Variants in KIF13B observed in about 807,000 individuals in gnomAD.
KIF13B encodes kinesin-like protein KIF13B.
KIF13B carries 127 observed loss-of-function variants against 222.0 expected under a neutral mutation model. The ratio of observed to expected loss-of-function variants is 0.57; its 90% confidence interval spans 0.50 to 0.66. The LOEUF is 0.66. KIF13B is among the 30% of genes least tolerant of loss of function. KIF13B has a pLI of 0.00. For missense variants in KIF13B, 2,173 were observed against 2,379.0 expected, an observed-to-expected ratio of 0.91 and a Z score of 1.80; for synonymous variants, 976 against 919.0, an observed-to-expected ratio of 1.06 and a Z score of -1.12.
At chr8:29,219,133 A>C (rs931817553) in intron 2 of KIF13B, 12 of 152,362 alleles carry the variant, frequency 7.9e-5, no homozygotes, top group African/African-American at 2.4e-4. Context: ...CAGGATCCCA[A>C]CGCACCAGAG....
intron 7 of KIF13B, among the ~76,000 whole-genome samples, chr8:29,181,030 C>T (rs765473751): frequency 3.9e-5 from 6 of 152,158 alleles, no homozygotes; most frequent in Non-Finnish European, 5.9e-5. Flanking sequence ...CACATATGGC[C>T]GAGCTAAGAG....
chr8:29,087,808 T>TA (rs1256971437), intron 37 of KIF13B, among the ~76,000 whole-genome samples: 1 of 151,900 alleles, frequency 6.6e-6, no homozygotes, highest in Non-Finnish European at 1.5e-5. Flanking sequence ...CTAGAGCTGT[T>TA]AAGATGGGGG....
rs988037207 is a variant in KIF13B, at chr8:29,071,349, G to C, written c.5218+271C>G. Among the ~76,000 whole-genome samples the C allele has an allele frequency of 6.6e-6, 1 of 152,124 alleles. No homozygotes were observed. The highest frequency in any genetic ancestry group is 1.5e-5 in the Non-Finnish European group (1 of 68,008). On this transcript the variant is annotated intron_variant, in intron 39 of 39. Transcript: ENST00000524189. This position sits in a 1 kb window ranked among gnomAD's most constrained non-coding sequence, Gnocchi z 4.9. The stretch of plus-strand genomic sequence containing the variant: ...GGGAGTGCAGAGGGCAGGGGAGACC[G>C]GAACAAAAGCGGGAACAGCCATGGC...
chr8:29,166,182 CTGGA>C (rs1207456830), intron 11 of KIF13B, among the ~76,000 whole-genome samples: 1 of 152,122 alleles, frequency 6.6e-6, no homozygotes, highest in Non-Finnish European at 1.5e-5. Flanking sequence ...ATGTTGCAGA[CTGGA>C]TGGTGTTATT....
intron 37 of KIF13B, among the ~76,000 whole-genome samples, chr8:29,089,394 G>A (rs550825600): frequency 1.3e-5 from 2 of 152,202 alleles, no homozygotes; most frequent in South Asian, 2.1e-4. Context: ...AGCTATCATC[G>A]CACCACTGCA....
intron 3 of KIF13B, among the ~76,000 whole-genome samples, chr8:29,195,272 C>T (rs978793824): frequency 6.6e-6 from 1 of 151,846 alleles, no homozygotes; most frequent in Non-Finnish European, 1.5e-5. Context: ...AATAAGAAAA[C>T]GAAAATAATC....
chr8:29,252,198 G>A (rs1816311805), intron 1 of KIF13B, among the ~76,000 whole-genome samples: 1 of 152,128 alleles, frequency 6.6e-6, no homozygotes, highest in Non-Finnish European at 1.5e-5. Context: ...ATCAACAGCT[G>A]ACAACTCAGT....
chr8:29,228,762 C>A (rs888453158), intron 2 of KIF13B, among the ~76,000 whole-genome samples: 1 of 151,900 alleles, frequency 6.6e-6, no homozygotes, highest in Non-Finnish European at 1.5e-5. Context: ...TGCAGCAGAA[C>A]CCAGTCAAAG....
chr8:29,107,443 G>A (rs1347983433), intron 35 of KIF13B, among the ~76,000 whole-genome samples: 2 of 152,124 alleles, frequency 1.3e-5, no homozygotes, highest in Admixed American at 6.5e-5. Context: ...CAGGAGAATC[G>A]CTTGAACCTG....
At chr8:29,111,264 C>G (rs907613074) in intron 32 of KIF13B, among the ~76,000 whole-genome samples, 2 of 152,216 alleles carry the variant, frequency 1.3e-5, no homozygotes, top group Non-Finnish European at 2.9e-5. Flanking sequence ...CACCCCAACA[C>G]AGAATACTTT....
chr8:29,254,724 G>A (rs1816410204), intron 1 of KIF13B, among the ~76,000 whole-genome samples: 1 of 152,186 alleles, frequency 6.6e-6, no homozygotes, highest in African/African-American at 2.4e-5. Flanking sequence ...TGGTTCATAT[G>A]CTTTGGAAAA....
In KIF13B at chr8:29,181,163, T is replaced by C. The variant is rs1314934795; in HGVS notation, c.585+756A>G. Among the ~76,000 whole-genome samples the C allele has an allele frequency of 2.0e-5, 3 of 152,328 alleles. No individual in the cohort carries two copies. The East Asian group carries it at 5.8e-4, about 29-fold the overall frequency. ...AAGGGTGTAGGCATGCTATCTCGTG[T>C]TGGTTCTAAGAGCCATCTTGAACTA... On this transcript the variant is annotated intron_variant, in intron 7 of 39. Coordinates refer to ENST00000524189, the MANE Select transcript of KIF13B (RefSeq NM_015254.4).
chr8:29,165,665 T>C lies in KIF13B; in HGVS notation c.1266A>G (p.Ala422=). Residue 422 remains alanine, a synonymous_variant, in exon 12 of 40, where the codon GCA becomes GCG. Coordinates refer to ENST00000524189, the MANE Select transcript of KIF13B (RefSeq NM_015254.4). Reference sequence around the variant, plus strand: ...TTCATCATCAGGAAACACGAACCTGTGCAATCTCCTCCGTTTTCCTTAATT... The same window carrying C: ...TTCATCATCAGGAAACACGAACCTGCGCAATCTCCTCCGTTTTCCTTAATT... ...EEKLRKTEEI[A]QERQKQLESL... The C allele has an allele frequency of 6.3e-7, 1 of 1,599,520 alleles. No homozygotes were observed. Among genetic ancestry groups the C allele is most frequent in the Non-Finnish European group, 8.6e-7 (1 of 1,166,684 alleles).
At chr8:29,250,987 C>CA (rs1258883918) in intron 1 of KIF13B, among the ~76,000 whole-genome samples, 4 of 151,988 alleles carry the variant, frequency 2.6e-5, no homozygotes, top group Non-Finnish European at 5.9e-5. Flanking sequence ...CCCATCTCTA[C>CA]AAAAAATACA....
chr8:29,132,408 C>A lies in KIF13B; in HGVS notation c.2842G>T (p.Ala948Ser), dbSNP rs145324154. ...FIEHLSEGALAIEVYGHKIND... is the reference protein window; with the variant it reads ...FIEHLSEGALSIEVYGHKIND... ...ATTTTATGTCCATATACTTCAATTG[C>A]CAATGCTCCTTCGGAAAGATGCTCG... is the stretch of plus-strand genomic sequence containing the variant. The change falls in exon 23 of 40, where the codon GCA (alanine) becomes TCA (serine). Residue 948 changes from alanine (A) to serine (S), a missense_variant. Transcript: ENST00000524189. The A allele has an allele frequency of 1.0e-4, 162 of 1,590,338 alleles. 2 individuals are homozygous for A. In the East Asian group the frequency reaches 3.7e-3, roughly 36 times the overall value.
At chr8:29,261,764 T>C (rs1473724297) in intron 1 of KIF13B, among the ~76,000 whole-genome samples, 1 of 151,540 alleles carries the variant, frequency 6.6e-6, no homozygotes, top group Non-Finnish European at 1.5e-5. Flanking sequence ...ACAGCTTTAA[T>C]CGGACCTAGC....
In KIF13B at chr8:29,118,778, T is replaced by C. The variant is rs1056342024; in HGVS notation, c.3660+90A>G. 4 of 1,312,438 alleles carry C rather than the reference T, an allele frequency of 3.0e-6. No individual in the cohort carries two copies. In the African/African-American group the frequency reaches 4.4e-5, roughly 15 times the overall value. 81.3% of individuals were successfully genotyped at this position (1,312,438 alleles called of 1,614,324 possible). A position where few individuals can be genotyped will look rare whatever the true frequency, so the allele number is the denominator to read the frequency against. ...ATGTATTTTGAGAAATGTAAAGTAC[T>C]GGCATGATTGCCTTATTGTTTCAAA... On this transcript the variant is annotated intron_variant, in intron 30 of 39. Coordinates refer to ENST00000524189, the MANE Select transcript of KIF13B (RefSeq NM_015254.4).
chr8:29,181,177 C>T (rs1812697761), intron 7 of KIF13B, among the ~76,000 whole-genome samples: 1 of 152,116 alleles, frequency 6.6e-6, no homozygotes, highest in South Asian at 2.1e-4. Context: ...TTCTAAGAGC[C>T]ATCTTGAACT....
intron 13 of KIF13B, among the ~76,000 whole-genome samples, chr8:29,158,516 G>A (rs543969785): frequency 6.6e-6 from 1 of 152,300 alleles, no homozygotes; most frequent in Admixed American, 6.5e-5. Context: ...AAAGAACTTT[G>A]GAGATGTTTT....
Sources: gnomAD v4.1 joint callset for allele counts (sites outside exome capture counted in the v4.1 genomes callset) on GRCh38, gnomAD v4.1.1 for gene constraint, Gnocchi (gnomAD v3.1) non-coding constraint, MANE v1.5 for transcripts, NCBI Gene and HGNC (gene_info 2026-07-23, HGNC 2026-07-21) for gene names.